Variants in SLCO3A1 observed in about 807,000 individuals in gnomAD.
SLCO3A1 encodes the protein solute carrier organic anion transporter family member 3A1, also known as PGE1 transporter.
Under a neutral mutation model 63.1 loss-of-function variants are expected in SLCO3A1, and 27 were observed. The observed-to-expected ratio is 0.43, with a 90% confidence interval of 0.32 to 0.59. The LOEUF (loss-of-function observed/expected upper bound fraction) is 0.59, where lower values mean the gene tolerates loss of function less well. SLCO3A1 is among the 20% of genes least tolerant of loss of function. The pLI, the probability that SLCO3A1 is intolerant of heterozygous loss-of-function variation, is 0.09. For missense variants in SLCO3A1, 773 were observed against 945.8 expected, an observed-to-expected ratio of 0.82 and a Z score of 2.40; for synonymous variants, 473 against 409.9, an observed-to-expected ratio of 1.15 and a Z score of -1.86.
At chr15:91,895,737 C>T (rs964003133) in intron 1 of SLCO3A1, among the ~76,000 whole-genome samples, 1 of 152,210 alleles carries the variant, frequency 6.6e-6, no homozygotes, top group Non-Finnish European at 1.5e-5. Context: ...TTGCACCAAG[C>T]GTGCACTCTA....
chr15:91,957,015 ATAG>A lies in SLCO3A1; in HGVS notation c.646+40560_646+40562del, dbSNP rs1413152259. On this transcript the variant is annotated intron_variant, in intron 2 of 9. Coordinates refer to ENST00000318445, the MANE Select transcript of SLCO3A1 (RefSeq NM_013272.4). Reference sequence around the variant, plus strand: ...ATAGTATATATTATATATATAATATATAGTATATATAATATATAATATATAGTA... The same window carrying A: ...ATAGTATATATTATATATATAATATATATATATAATATATAATATATAGTA... Among the ~76,000 whole-genome samples the A allele has an allele frequency of 1.5e-3, 22 of 14,716 alleles. 3 individuals are homozygous for A. The highest frequency in any genetic ancestry group is 0.062 in the Middle Eastern group (1 of 16). 9.7% of individuals were successfully genotyped at this position (14,716 alleles called of 152,430 possible). A position where few individuals can be genotyped will look rare whatever the true frequency, so the allele number is the denominator to read the frequency against.
chr15:92,036,606 A>AT (rs1161725901), intron 2 of SLCO3A1, among the ~76,000 whole-genome samples: 2 of 152,022 alleles, frequency 1.3e-5, no homozygotes, highest in Non-Finnish European at 2.9e-5. Context: ...AATTGTTTCC[A>AT]TTATCACTCT....
chr15:91,854,077 G>A lies in SLCO3A1; in HGVS notation c.169G>A (p.Gly57Ser). ...CALMLAQGTV[G>S]AYLVSVLTTL... The stretch of plus-strand genomic sequence containing the variant: ...CCTGATGCTGGCGCAGGGCACGGTG[G>A]GCGCCTACCTGGTGAGTCCCCGAGC... The change falls in exon 1 of 10, where the codon GGC becomes AGC. Residue 57 changes from glycine to serine, a missense_variant. By Grantham distance (56) the Gly-to-Ser change is moderately conservative (BLOSUM62 0). This residue lies in a region of SLCO3A1 where 565 missense variants were observed against 749.8 expected (regional missense o/e 0.75). Coordinates refer to ENST00000318445, the MANE Select transcript of SLCO3A1 (RefSeq NM_013272.4). This position sits in a 1 kb window ranked among gnomAD's most constrained non-coding sequence, Gnocchi z 6.4. 1 of 1,518,838 alleles carries A rather than the reference G, an allele frequency of 6.6e-7. No homozygotes were observed. 94.1% of individuals were successfully genotyped at this position (1,518,838 alleles called of 1,614,324 possible). A position where few individuals can be genotyped will look rare whatever the true frequency, so the allele number is the denominator to read the frequency against.
At position 91,859,631 on chromosome 15, in the gene SLCO3A1, T is replaced by C. The variant is rs1897002211; in HGVS notation, c.180+5543T>C. Among the ~76,000 whole-genome samples, 1 of 152,178 alleles carries C rather than the reference T, an allele frequency of 6.6e-6. No homozygotes were observed. Among genetic ancestry groups the C allele is most frequent in the African/African-American group, 2.4e-5 (1 of 41,438 alleles). ...TACCTGCTCTGTGACCTTGAGCTGT[T>C]TACTTAATCTCTGTGTACCTCAATT... On this transcript the variant is annotated intron_variant, in intron 1 of 9. Coordinates refer to ENST00000318445, the MANE Select transcript of SLCO3A1 (RefSeq NM_013272.4). This position sits in a 1 kb window ranked among gnomAD's most constrained non-coding sequence, Gnocchi z 5.1.
rs1899901372 is a variant in SLCO3A1, at chr15:91,948,902, A to G, written c.646+32444A>G. ...CCTTTAATAACCTGAGGAACCTGTC[A>G]TCCATTTAGGAATCAATACTTTGGT... On this transcript the variant is annotated intron_variant, in intron 2 of 9. Transcript: ENST00000318445. The surrounding 1 kb of genome is among the most constrained non-coding windows in gnomAD (Gnocchi z 4.8). 6.6e-6 allele frequency among the ~76,000 whole-genome samples: 1 copy of G among 150,750 alleles called. No homozygotes were observed. Among genetic ancestry groups the G allele is most frequent in the Admixed American group, 6.6e-5 (1 of 15,156 alleles).
intron 1 of SLCO3A1, among the ~76,000 whole-genome samples, chr15:91,877,297 A>C (rs564081812): frequency 6.6e-6 from 1 of 151,648 alleles, no homozygotes; most frequent in African/African-American, 2.4e-5. Context: ...TTGATATCAG[A>C]CCTCCCTCTC....
chr15:91,946,709 A>G (rs1899818274), intron 2 of SLCO3A1, among the ~76,000 whole-genome samples: 1 of 152,146 alleles, frequency 6.6e-6, no homozygotes, highest in Non-Finnish European at 1.5e-5. Flanking sequence ...AAATATGTCT[A>G]TGATGCAGTT....
rs1567129478 is a variant in SLCO3A1, at chr15:92,118,048, G to A, written c.1010-2417G>A. 2.0e-5 allele frequency among the ~76,000 whole-genome samples: 3 copies of A among 152,300 alleles called. No homozygotes were observed. The East Asian group carries it at 5.8e-4, about 29-fold the overall frequency. On this transcript the variant is annotated intron_variant, in intron 4 of 9. Coordinates refer to ENST00000318445, the MANE Select transcript of SLCO3A1 (RefSeq NM_013272.4). Reference sequence around the variant, plus strand: ...TCTAAAAATTCAGATGATGGTAAATGCTTTAAACCTTGTAAAAATAGACAA... The same window carrying A: ...TCTAAAAATTCAGATGATGGTAAATACTTTAAACCTTGTAAAAATAGACAA...
chr15:92,021,837 G>A (rs915996000), intron 2 of SLCO3A1, among the ~76,000 whole-genome samples: 6 of 152,064 alleles, frequency 3.9e-5, no homozygotes, highest in African/African-American at 1.2e-4. Flanking sequence ...GGCTAGGGAC[G>A]CCCGAGGGAG....
intron 1 of SLCO3A1, among the ~76,000 whole-genome samples, chr15:91,867,006 A>G (rs1897181739): frequency 6.6e-6 from 1 of 152,156 alleles, no homozygotes; most frequent in Admixed American, 6.5e-5. Flanking sequence ...GCGGAGAGTC[A>G]TTGGAGGCAG....
At chr15:92,123,018 T>C (rs1026982546) in intron 5 of SLCO3A1, among the ~76,000 whole-genome samples, 2 of 152,194 alleles carry the variant, frequency 1.3e-5, no homozygotes, top group Non-Finnish European at 2.9e-5. Context: ...CTGCTAGAAA[T>C]GTTCTAAGGT....
At chr15:92,119,613 G>A (rs74369344) in intron 4 of SLCO3A1, among the ~76,000 whole-genome samples, 212 of 152,338 alleles carry the variant, frequency 1.4e-3, no homozygotes, top group African/African-American at 4.8e-3. Flanking sequence ...GTGGACCTGG[G>A]TGCAGGCGAG....
chr15:92,113,519 C>G (rs1176665304), intron 4 of SLCO3A1, among the ~76,000 whole-genome samples: 2 of 152,190 alleles, frequency 1.3e-5, no homozygotes, highest in African/African-American at 4.8e-5. Flanking sequence ...CCCTCTGCCT[C>G]TTATCTCCAG....
In SLCO3A1 at chr15:92,108,392, G is replaced by A. The variant is rs141111751; in HGVS notation, c.1009+3850G>A. On this transcript the variant is annotated intron_variant, in intron 4 of 9. Transcript: ENST00000318445. ...CCTGTTTTTTACACACCTCACATTC[G>A]TCCTCTTGTGTCCTCTCCTCCCCTT... Among the ~76,000 whole-genome samples the A allele has an allele frequency of 5.6e-3, 850 of 152,182 alleles. 5 individuals carry two copies. The highest frequency in any genetic ancestry group is 0.02 in the African/African-American group (818 of 41,512).
intron 9 of SLCO3A1, 131 bp from the exon 10 acceptor site, chr15:92,162,625 T>A (rs138367779): frequency 7.0e-7 from 1 of 1,425,676 alleles, no homozygotes; most frequent in East Asian, 2.3e-5. Context: ...CTTTGCCTCC[T>A]GAGCATGTCT....
intron 7 of SLCO3A1, among the ~76,000 whole-genome samples, chr15:92,143,902 C>G (rs555200618): frequency 6.6e-6 from 1 of 152,204 alleles, no homozygotes; most frequent in Non-Finnish European, 1.5e-5. Context: ...TGCGGCATGG[C>G]TGCTCAGGAG....
At chr15:92,141,810 C>A (rs974343718) in intron 7 of SLCO3A1, among the ~76,000 whole-genome samples, 1 of 152,220 alleles carries the variant, frequency 6.6e-6, no homozygotes, top group Non-Finnish European at 1.5e-5. Context: ...CTTAGCACAA[C>A]GTTGGACAAA....
intron 2 of SLCO3A1, among the ~76,000 whole-genome samples, chr15:91,956,430 C>T (rs1359461974): frequency 6.6e-6 from 1 of 152,070 alleles, no homozygotes; most frequent in African/African-American, 2.4e-5. Context: ...GATCTGCAGG[C>T]ATATTTATTT....
chr15:91,918,037 A>T (rs1342591874), intron 2 of SLCO3A1, among the ~76,000 whole-genome samples: 1 of 152,224 alleles, frequency 6.6e-6, no homozygotes, highest in Admixed American at 6.5e-5. Flanking sequence ...AAGTCCTAAC[A>T]GTGCTGTATC....
Sources: allele counts gnomAD v4.1 joint callset (sites outside exome capture counted in the v4.1 genomes callset), GRCh38; gene constraint gnomAD v4.1.1; regional missense constraint gnomAD v4.1.1; non-coding constraint Gnocchi (gnomAD v3.1); transcripts MANE v1.5; gene names NCBI Gene and HGNC (gene_info 2026-07-23, HGNC 2026-07-21).